The following CAPN7 variants were observed in gnomAD, a reference collection of about 807,000 sequenced individuals.
CAPN7 encodes the protein calpain 7.
CAPN7 carries 72 observed loss-of-function variants against 115.2 expected under a neutral mutation model. The observed-to-expected ratio is 0.63, with a 90% CI of 0.52 to 0.76. The LOEUF is 0.76. CAPN7 is among the 30% of genes least tolerant of loss of function. CAPN7 has a pLI of 0.00. For synonymous variants in CAPN7, 344 were observed against 322.3 expected (o/e 1.07, Z -0.72); for missense variants, 905 against 971.5 (o/e 0.93, Z 0.91).
At chr3:15,240,316 C>G (rs1695264692) in intron 12 of CAPN7, among the ~76,000 whole-genome samples, 157 bp from the exon 13 acceptor site, 1 of 152,102 alleles carries the variant, frequency 6.6e-6, no homozygotes, top group African/African-American at 2.4e-5. Flanking sequence ...AGTTTTTGAT[C>G]GATGTATGAC....
intron 3 of CAPN7, 103 bp downstream of exon 3, chr3:15,217,685 T>TA (rs1277838013): frequency 3.7e-5 from 33 of 900,134 alleles, no homozygotes; most frequent in African/African-American, 5.2e-5. Flanking sequence ...TTTAACAGAA[T>TA]AAAAAAAATT....
At chr3:15,248,512 T>C (rs936666935) in intron 19 of CAPN7, among the ~76,000 whole-genome samples, 7 of 152,196 alleles carry the variant, frequency 4.6e-5, no homozygotes, top group South Asian at 2.1e-4. Context: ...AAGAGAGTTA[T>C]TACTATAAAA....
At chr3:15,223,595 T>G in intron 6 of CAPN7, 34 bp downstream of exon 6, 1 of 1,246,342 alleles carries the variant, frequency 8.0e-7, no homozygotes, top group Non-Finnish European at 1.1e-6. Context: ...TTAACTCCAA[T>G]ATTTTAACTT....
intron 15 of CAPN7, 51 bp from the exon 16 acceptor site, chr3:15,242,127 A>G (rs143114162): frequency 2.6e-6 from 3 of 1,159,088 alleles, no homozygotes; most frequent in Admixed American, 2.2e-5. Context: ...AAGAAAATAA[A>G]TAGCATTTTG....
rs191513835 is a variant in CAPN7 at position 15,230,623 on chromosome 3, C to G, written c.1032+88C>G. ...GAGTGAAATCATTAAGAAATGTCAT[C>G]TGTTTGAACATTTTAAAAGTTAGAG... is the stretch of plus-strand genomic sequence containing the variant. On this transcript the variant is annotated intron_variant, in intron 9 of 20. Transcript: ENST00000253693. 1.3e-5 allele frequency: 10 copies of G among 783,982 alleles called. No individual in the cohort carries two copies. The East Asian group carries it at 2.5e-4, about 19-fold the overall frequency. The allele number at this position is 783,982 out of a possible 1,614,324, so 48.6% of individuals were successfully genotyped here. A position where few individuals can be genotyped will look rare whatever the true frequency, so the allele number is the denominator to read the frequency against.
intron 6 of CAPN7, among the ~76,000 whole-genome samples, chr3:15,224,848 G>C (rs940598052): frequency 6.6e-6 from 1 of 152,100 alleles, no homozygotes; most frequent in Non-Finnish European, 1.5e-5. Context: ...TTTTGCCAAG[G>C]GTTAGGTATC....
intron 19 of CAPN7, 49 bp downstream of exon 19, chr3:15,247,506 A>G: frequency 6.8e-6 from 10 of 1,471,054 alleles, no homozygotes; most frequent in Non-Finnish European, 9.1e-6. Flanking sequence ...ATTACAAATG[A>G]ACATAGTATA....
At chr3:15,221,346 ATTTTTTTTTTT>A (rs772108590) in intron 5 of CAPN7, among the ~76,000 whole-genome samples, 2 of 104,336 alleles carry the variant, frequency 1.9e-5, no homozygotes, top group African/African-American at 3.7e-5. Flanking sequence ...CATCTGACTA[ATTTTTTTTTTT>A]TTTTTTTTTT....
At chr3:15,214,007 A>G (rs1221026410) in intron 2 of CAPN7, among the ~76,000 whole-genome samples, 1 of 150,298 alleles carries the variant, frequency 6.7e-6, no homozygotes, top group Non-Finnish European at 1.5e-5. Flanking sequence ...CAGCCTCCCC[A>G]GTAGCTGAGA....
intron 16 of CAPN7, among the ~76,000 whole-genome samples, chr3:15,243,801 T>C (rs1270262251): frequency 7.1e-6 from 1 of 141,180 alleles, no homozygotes; most frequent in Admixed American, 7.1e-5. Flanking sequence ...GGGGGGAGGG[T>C]GGGAGGAGGG....
At chr3:15,233,804 T>C in intron 10 of CAPN7, 63 bp from the exon 11 acceptor site, 1 of 845,124 alleles carries the variant, frequency 1.2e-6, no homozygotes, top group Non-Finnish European at 2.0e-6. Context: ...ATGTAATAGC[T>C]GCTCTGGGGA....
chr3:15,233,355 T>C (rs1241639348), intron 10 of CAPN7, among the ~76,000 whole-genome samples: 1 of 152,238 alleles, frequency 6.6e-6, no homozygotes, highest in African/African-American at 2.4e-5. Flanking sequence ...CCAGTTCTAA[T>C]GCTAGGCAAA....
At chr3:15,211,725 T>G (rs975469424) in intron 1 of CAPN7, among the ~76,000 whole-genome samples, 5 of 151,784 alleles carry the variant, frequency 3.3e-5, no homozygotes, top group Admixed American at 6.6e-5. Context: ...CAGAACCCAA[T>G]CTCTACTAAA....
intron 12 of CAPN7, among the ~76,000 whole-genome samples, chr3:15,238,626 C>T (rs1320940456): frequency 6.6e-6 from 1 of 152,050 alleles, no homozygotes; most frequent in Non-Finnish European, 1.5e-5. Context: ...AATCTGCTTG[C>T]ATATTCCAAG....
At position 15,251,251 on chromosome 3, in the gene CAPN7, A is replaced by G. The variant is rs762913543; in HGVS notation, c.2433A>G (p.Gln811=). The part of the protein sequence containing the change: ...FNSIIPIKIT[Q]LQ ...GTATTATCCCCATCAAGATCACACA[A>G]CTTCAGTGATGGAGAAATCTCAAGT... is the stretch of plus-strand genomic sequence containing the variant. The change falls in exon 21 of 21, where the codon CAA becomes CAG. Residue 811 remains glutamine, a synonymous_variant. Transcript: ENST00000253693. 6 of 1,584,366 alleles carry G rather than the reference A, an allele frequency of 3.8e-6. No individual in the cohort carries two copies. Among genetic ancestry groups the G allele is most frequent in the South Asian group, 1.2e-5 (1 of 85,304 alleles).
At position 15,251,657 on chromosome 3, in the gene CAPN7, G is replaced by A. The variant is rs146761666; in HGVS notation, c.*397G>A. 490 of 155,556 alleles carry A rather than the reference G, an allele frequency of 3.1e-3. 3 individuals carry two copies. The highest frequency in any genetic ancestry group is 0.011 in the African/African-American group (473 of 41,702). The allele number at this position is 155,556 out of a possible 1,614,324, so 9.6% of individuals were successfully genotyped here. A position where few individuals can be genotyped will look rare whatever the true frequency, so the allele number is the denominator to read the frequency against. On this transcript the variant is annotated 3_prime_UTR_variant, in exon 21 of 21. Transcript: ENST00000253693. Reference sequence around the variant, plus strand: ...GAATAGTGGGCTAGATTAATATACCGAAATATTTCCATTGTTTCCCTTTTT... The same window carrying A: ...GAATAGTGGGCTAGATTAATATACCAAAATATTTCCATTGTTTCCCTTTTT...
At chr3:15,213,766 T>G (rs1468679343) in intron 2 of CAPN7, among the ~76,000 whole-genome samples, 1 of 152,196 alleles carries the variant, frequency 6.6e-6, no homozygotes, top group Non-Finnish European at 1.5e-5. Flanking sequence ...TTACATGTGA[T>G]TTTTGGGAAA....
At chr3:15,217,365 G>A (rs921401570) in intron 2 of CAPN7, 60 bp from the exon 3 acceptor site, 30 of 1,326,518 alleles carry the variant, frequency 2.3e-5, no homozygotes, top group Non-Finnish European at 2.7e-5. Flanking sequence ...AGTGAAAATA[G>A]TGTGTTTTCT....
At chr3:15,238,477 T>G (rs1030835457) in intron 12 of CAPN7, among the ~76,000 whole-genome samples, 1 of 151,906 alleles carries the variant, frequency 6.6e-6, no homozygotes, top group Non-Finnish European at 1.5e-5. Context: ...TAGGACCTCT[T>G]TTTTGCAGAA....
Sources: allele counts gnomAD v4.1 joint callset (sites outside exome capture counted in the v4.1 genomes callset), GRCh38; gene constraint gnomAD v4.1.1; transcripts MANE v1.5; gene names NCBI Gene and HGNC (gene_info 2026-07-23, HGNC 2026-07-21).